DHRSX: variants seen among roughly 807,000 people sequenced by gnomAD.
DHRSX encodes polyprenol dehydrogenase.
A neutral mutation model predicts 34.0 loss-of-function variants in DHRSX; 31 were observed. That is an observed-to-expected ratio of 0.91 (90% CI 0.69 to 1.23). The LOEUF is 1.23. DHRSX is among the 50% of genes most tolerant of loss of function. The pLI, the probability that DHRSX is intolerant of heterozygous loss-of-function variation, is 0.00. For missense variants in DHRSX, 414 were observed against 428.1 expected (o/e 0.97, Z 0.29); for synonymous variants, 201 against 183.8 (o/e 1.09, Z -0.76).
At chrX:2,231,336 T>C (rs1214915995) in intron 6 of DHRSX, among the ~76,000 whole-genome samples, 2 of 152,042 alleles carry the variant, frequency 1.3e-5, no homozygotes, top group Non-Finnish European at 2.9e-5. Flanking sequence ...CTCAAACTGA[T>C]CTGGGTGGCA....
In DHRSX at chrX:2,459,581, C is replaced by T. The variant is rs1317654215; in HGVS notation, c.110-34277G>A. Among the ~76,000 whole-genome samples, 13 of 110,154 alleles carry T rather than the reference C, an allele frequency of 1.2e-4. 1 individual carries two copies. The highest frequency in any genetic ancestry group is 2.1e-4 in the Non-Finnish European group (10 of 47,552). The allele number at this position is 110,154 out of a possible 152,430, so 72.3% of individuals were successfully genotyped here. ...ATATATATATATATATATATATATA[C>T]ACACACATACAATATATATATACAC... On this transcript the variant is annotated intron_variant, in intron 1 of 6. Transcript: ENST00000334651.
intron 2 of DHRSX, among the ~76,000 whole-genome samples, chrX:2,424,649 A>G (rs1307197726): frequency 6.6e-6 from 1 of 152,202 alleles, no homozygotes; most frequent in Non-Finnish European, 1.5e-5. Flanking sequence ...CCAGTAAACC[A>G]TGTGAAAGAA....
intron 3 of DHRSX, among the ~76,000 whole-genome samples, chrX:2,379,572 C>T (rs1390331363): frequency 1.4e-5 from 2 of 147,948 alleles, no homozygotes; most frequent in Non-Finnish European, 3.0e-5. Context: ...AGAAAATGAG[C>T]GACCTGTGGG....
chrX:2,298,618 A>ACACACACACACACACACACG (rs2041970052), intron 3 of DHRSX, among the ~76,000 whole-genome samples: 3 of 135,362 alleles, frequency 2.2e-5, no homozygotes, highest in African/African-American at 1.2e-4. Flanking sequence ...ACACACACAC[A>ACACACACACACACACACACG]CACACACACA....
At chrX:2,357,959 C>T (rs2042877915) in intron 3 of DHRSX, among the ~76,000 whole-genome samples, 2 of 152,086 alleles carry the variant, frequency 1.3e-5, no homozygotes, top group South Asian at 4.1e-4. Flanking sequence ...ATCCTCTCTA[C>T]AAAACGCTTA....
At chrX:2,405,047 C>T (rs2043534757) in intron 3 of DHRSX, among the ~76,000 whole-genome samples, 1 of 152,146 alleles carries the variant, frequency 6.6e-6, no homozygotes, top group Non-Finnish European at 1.5e-5. Flanking sequence ...TCCTGCAATG[C>T]CGGCTATGAA....
chrX:2,236,138 A>G (rs1032886906), intron 6 of DHRSX, among the ~76,000 whole-genome samples: 2 of 151,946 alleles, frequency 1.3e-5, no homozygotes, highest in Non-Finnish European at 1.5e-5. Flanking sequence ...TAAATAAAAT[A>G]AATAAATCCG....
chrX:2,244,193 CAT>C (rs1346177244), intron 5 of DHRSX, among the ~76,000 whole-genome samples: 1 of 152,126 alleles, frequency 6.6e-6, no homozygotes, highest in Non-Finnish European at 1.5e-5. Context: ...GTGCTAAGCA[CAT>C]GTTAAACTCT....
intron 1 of DHRSX, among the ~76,000 whole-genome samples, chrX:2,492,254 T>G (rs769309594): frequency 1.8e-4 from 27 of 152,254 alleles, no homozygotes; most frequent in African/African-American, 5.8e-4. Flanking sequence ...TCAATTGAGG[T>G]GGTCCTAAAT....
intron 6 of DHRSX, among the ~76,000 whole-genome samples, chrX:2,239,768 CAAAAA>C (rs747846678): frequency 6.6e-6 from 1 of 150,448 alleles, no homozygotes; most frequent in African/African-American, 2.5e-5. Flanking sequence ...GACTCAGTCT[CAAAAA>C]AAATAAATAA....
At position 2,324,248 on chromosome X, in the gene DHRSX, A is replaced by G. The variant is rs757653366; in HGVS notation, c.287-32645T>C. 8.1e-4 allele frequency among the ~76,000 whole-genome samples: 123 copies of G among 152,214 alleles called. 1 individual carries two copies. Among genetic ancestry groups the G allele is most frequent in the African/African-American group, 2.9e-3 (119 of 41,544 alleles). ...TTGCAAGGGGGTTGAGGACGCATGC[A>G]TGTGGAATCCAAACATTGAATGCAC... On this transcript the variant is annotated intron_variant, in intron 3 of 6. Transcript: ENST00000334651.
intron 6 of DHRSX, among the ~76,000 whole-genome samples, chrX:2,231,973 T>G (rs2015901648): frequency 6.9e-6 from 1 of 144,764 alleles, no homozygotes; most frequent in South Asian, 2.3e-4. Context: ...CTGCCCTTCT[T>G]TCCTTTTCTC....
chrX:2,488,687 C>T (rs773802825), intron 1 of DHRSX: 14 of 1,613,494 alleles, frequency 8.7e-6, no homozygotes, highest in African/African-American at 1.3e-5. Context: ...GACGCCATCC[C>T]CCAAGGAGAA....
chrX:2,410,186 A>C (rs1178157873), intron 2 of DHRSX, among the ~76,000 whole-genome samples: 1 of 151,864 alleles, frequency 6.6e-6, no homozygotes, highest in Non-Finnish European at 1.5e-5. Context: ...AGTTTGGCAA[A>C]TTTTTCCTCC....
intron 1 of DHRSX, chrX:2,489,858 T>C (rs763431946): frequency 8.7e-6 from 14 of 1,613,634 alleles, no homozygotes; most frequent in African/African-American, 2.7e-5. Flanking sequence ...AGGCAGGGCA[T>C]GTGCACTGCG....
At chrX:2,407,233 G>A (rs906224600) in intron 3 of DHRSX, among the ~76,000 whole-genome samples, 24 of 152,192 alleles carry the variant, frequency 1.6e-4, no homozygotes, top group Non-Finnish European at 1.5e-4. Context: ...GACTTTGGCT[G>A]AGCGACGGAT....
intron 3 of DHRSX, among the ~76,000 whole-genome samples, chrX:2,361,309 G>C (rs1035357944): frequency 6.6e-5 from 10 of 152,066 alleles, no homozygotes; most frequent in Admixed American, 3.9e-4. Flanking sequence ...ATTTCACCAT[G>C]TTGGTCAGGC....
intron 1 of DHRSX, among the ~76,000 whole-genome samples, chrX:2,478,534 G>GA (rs1249301430): frequency 1.2e-5 from 1 of 81,744 alleles, no homozygotes; most frequent in East Asian, 2.3e-4. Flanking sequence ...GCGGCCAAGG[G>GA]ACCACCAGTG....
intron 1 of DHRSX, chrX:2,490,351 C>T (rs1487327807): frequency 1.2e-6 from 2 of 1,613,434 alleles, no homozygotes; most frequent in South Asian, 2.2e-5. Context: ...TCAGCTCCTG[C>T]TGCTTCTTGC....
Sources: gnomAD v4.1 joint callset for allele counts (sites outside exome capture counted in the v4.1 genomes callset) on GRCh38, gnomAD v4.1.1 for gene constraint, MANE v1.5 for transcripts, NCBI Gene and HGNC (gene_info 2026-07-23, HGNC 2026-07-21) for gene names.